SLC12A3: variants seen among roughly 807,000 people sequenced by gnomAD.
SLC12A3 encodes the protein Na-Cl cotransporter.
A neutral mutation model predicts 121.0 loss-of-function variants in SLC12A3; 104 were observed. The ratio of observed to expected loss-of-function variants is 0.86; its 90% CI spans 0.73 to 1.01. The LOEUF is 1.01. Among genes scored for constraint, SLC12A3 ranks in the 50% least tolerant of loss-of-function variants. The probability of loss-of-function intolerance (pLI) is 0.00; values close to 1 mark genes in which losing one functional copy is unlikely to be tolerated. For missense variants in SLC12A3, 1,328 were observed against 1,356.3 expected, an observed-to-expected ratio of 0.98 and a Z score of 0.33; for synonymous variants, 536 against 533.4, an observed-to-expected ratio of 1.00 and a Z score of -0.07.
rs10695057 is a variant in SLC12A3, at chr16:56,911,307, T to TTTTGTTTGTTTG, written c.2925-1933_2925-1922dup. 1.6e-3 allele frequency among the ~76,000 whole-genome samples: 241 copies of TTTTGTTTGTTTG among 148,434 alleles called. 1 individual carries two copies. The highest frequency in any genetic ancestry group is 3.6e-3 in the South Asian group (17 of 4,696). ...CCCACCTTCCCTAATTTTTGAGACC[T>TTTTGTTTGTTTG]TTTGTTTGTTTGTTTGTTTGTTTGT... On this transcript the variant is annotated intron_variant, in intron 25 of 25. Transcript: ENST00000563236.
chr16:56,874,401 T>G (rs1330354930), intron 8 of SLC12A3, among the ~76,000 whole-genome samples: 1 of 152,090 alleles, frequency 6.6e-6, no homozygotes, highest in African/African-American at 2.4e-5. Context: ...GAGGGGGTGA[T>G]GAATGGGGAG....
At chr16:56,891,307 G>GGCT (rs1352379678) in intron 19 of SLC12A3, among the ~76,000 whole-genome samples, 2 of 149,180 alleles carry the variant, frequency 1.3e-5, no homozygotes, top group African/African-American at 5.0e-5. Flanking sequence ...AGGAGTTTGA[G>GGCT]GCTGCAGTGA....
intron 3 of SLC12A3, among the ~76,000 whole-genome samples, chr16:56,869,084 C>T (rs893973388): frequency 2.0e-5 from 3 of 152,196 alleles, no homozygotes; most frequent in Admixed American, 6.5e-5. Context: ...CCTCTCTGAG[C>T]CTTGGATTCC....
At position 56,895,392 on chromosome 16, in the gene SLC12A3, C is replaced by T. The variant is rs148809736; in HGVS notation, c.2633+750C>T. ...TATTTTTAGTAGAGATGGGGTTTCG[C>T]CATGTTGGCTAGGCTGGTCTCGAAC... On this transcript the variant is annotated intron_variant, in intron 22 of 25. Coordinates refer to ENST00000563236, the MANE Select transcript of SLC12A3 (RefSeq NM_001126108.2). Among the ~76,000 whole-genome samples the T allele has an allele frequency of 6.1e-3, 916 of 150,742 alleles. 7 individuals carry two copies. The highest frequency in any genetic ancestry group is 0.021 in the African/African-American group (865 of 41,272).
At chr16:56,869,680 G>T in intron 3 of SLC12A3, 49 bp from the exon 4 acceptor site, 26 of 1,499,592 alleles carry the variant, frequency 1.7e-5, no homozygotes, top group Non-Finnish European at 2.3e-5. Flanking sequence ...GCAAACTGGG[G>T]CTCCTCCCTT....
Position 56,872,704 on chromosome 16 carries a change from G to A in SLC12A3, c.1013G>A (p.Gly338Asp), listed in dbSNP as rs775692158. The change falls in exon 8 of 26, where the codon GGC becomes GAC. Residue 338 changes from glycine to aspartate, a missense_variant. Coordinates refer to ENST00000563236, the MANE Select transcript of SLC12A3 (RefSeq NM_001126108.2). Reference protein sequence around the residue: ...NLVPDWRGPDGTFFGMFSIFF... With the variant: ...NLVPDWRGPDDTFFGMFSIFF... ...GTGCCTGACTGGCGGGGTCCAGATG[G>A]CACCTTCTTCGGAATGTTCTCCATC... The A allele has an allele frequency of 1.9e-6, 3 of 1,614,232 alleles. No individual in the cohort carries two copies. Among genetic ancestry groups the A allele is most frequent in the Non-Finnish European group, 2.5e-6 (3 of 1,180,044 alleles).
chr16:56,908,122 T>A (rs1397496482), intron 25 of SLC12A3, among the ~76,000 whole-genome samples: 4 of 149,202 alleles, frequency 2.7e-5, no homozygotes, highest in African/African-American at 7.4e-5. Context: ...TTTTTTTTTT[T>A]AAAGAATGAT....
chr16:56,906,232 C>T (rs1256109542), intron 25 of SLC12A3, among the ~76,000 whole-genome samples: 1 of 152,216 alleles, frequency 6.6e-6, no homozygotes, highest in Non-Finnish European at 1.5e-5. Context: ...TTGCATGCAT[C>T]CCTTACTGCT....
chr16:56,904,388 C>T lies in SLC12A3; in HGVS notation c.2857-7C>T, dbSNP rs745327566. On this transcript the variant is annotated splice_polypyrimidine_tract_variant and splice_region_variant and intron_variant, in intron 24 of 25. Coordinates refer to ENST00000563236, the MANE Select transcript of SLC12A3 (RefSeq NM_001126108.2). Reference sequence around the variant, plus strand: ...GGGAAGTGACCACTCGGCTTTCTCCCGCCCAGTCCCTTCGGCAGGTGAGGC... The same window carrying T: ...GGGAAGTGACCACTCGGCTTTCTCCTGCCCAGTCCCTTCGGCAGGTGAGGC... 45 of 1,613,634 alleles carry T rather than the reference C, an allele frequency of 2.8e-5. No homozygotes were observed. The East Asian group carries it at 2.9e-4, about 10-fold the overall frequency.
At position 56,885,366 on chromosome 16, in the gene SLC12A3, T is replaced by A. The variant is rs375137925; in HGVS notation, c.1925+2T>A. 3 of 1,539,952 alleles carry A rather than the reference T, an allele frequency of 1.9e-6. No homozygotes were observed. The highest frequency in any genetic ancestry group is 1.8e-6 in the Non-Finnish European group (2 of 1,135,862). On this transcript the variant is annotated splice_donor_variant, in intron 15 of 25. Coordinates refer to ENST00000563236, the MANE Select transcript of SLC12A3 (RefSeq NM_001126108.2). LOFTEE classifies it high-confidence loss of function. ...GGAAGACCACATCAAGAACTACCGG[T>A]GAGCAGAGCTGCTGGGACCCACCTG... is the stretch of plus-strand genomic sequence containing the variant.
At chr16:56,870,844 T>A (rs2055086388) in intron 6 of SLC12A3, 108 bp downstream of exon 6, 1 of 653,236 alleles carries the variant, frequency 1.5e-6, no homozygotes, top group Non-Finnish European at 2.7e-6. Context: ...TCTTTTCTTT[T>A]TTTTTTTTTG....
chr16:56,896,627 C>T (rs533176349), intron 22 of SLC12A3, among the ~76,000 whole-genome samples: 33 of 152,108 alleles, frequency 2.2e-4, no homozygotes, highest in Non-Finnish European at 3.8e-4. Context: ...GTGGCATGTG[C>T]CTGTAGTACT....
At chr16:56,869,936 G>A (rs1385312733) in intron 4 of SLC12A3, 112 bp downstream of exon 4, 20 of 1,366,418 alleles carry the variant, frequency 1.5e-5, no homozygotes, top group South Asian at 4.7e-5. Flanking sequence ...CTGTGGTTCC[G>A]GGAGAGGGCT....
chr16:56,905,226 C>G (rs1411476936), intron 25 of SLC12A3, among the ~76,000 whole-genome samples: 3 of 150,992 alleles, frequency 2.0e-5, no homozygotes, highest in Non-Finnish European at 4.4e-5. Context: ...GTAATCCCAG[C>G]TACTCGGGAG....
At chr16:56,871,258 G>A (rs987578679) in intron 6 of SLC12A3, among the ~76,000 whole-genome samples, 3 of 152,198 alleles carry the variant, frequency 2.0e-5, no homozygotes, top group South Asian at 4.1e-4. Context: ...CGTGGCCTTT[G>A]TCCACCTGGT....
intron 23 of SLC12A3, among the ~76,000 whole-genome samples, chr16:56,899,914 C>T (rs986016916): frequency 1.3e-5 from 2 of 152,208 alleles, no homozygotes; most frequent in Non-Finnish European, 2.9e-5. Flanking sequence ...CCTCCTTCCA[C>T]GCAAGGGCAA....
At chr16:56,890,143 CTG>C in intron 18 of SLC12A3, 129 bp from the exon 19 acceptor site, 1 of 742,374 alleles carries the variant, frequency 1.3e-6, no homozygotes, top group Non-Finnish European at 2.4e-6. Context: ...GATGGGGAAA[CTG>C]AGGCCCAGAG....
At chr16:56,878,633 G>A (rs1247408622) in intron 9 of SLC12A3, among the ~76,000 whole-genome samples, 1 of 152,138 alleles carries the variant, frequency 6.6e-6, no homozygotes, top group African/African-American at 2.4e-5. Context: ...ACTGAATGGT[G>A]GAGCCAGGCT....
chr16:56,879,725 G>T, intron 11 of SLC12A3, 76 bp downstream of exon 11: 1 of 1,075,690 alleles, frequency 9.3e-7, no homozygotes, highest in South Asian at 1.3e-5. Context: ...CGGGTCCCTG[G>T]GTGACTGCTA....
Sources: gnomAD v4.1 joint callset for allele counts (sites outside exome capture counted in the v4.1 genomes callset) on GRCh38, gnomAD v4.1.1 for gene constraint, MANE v1.5 for transcripts, NCBI Gene and HGNC (gene_info 2026-07-23, HGNC 2026-07-21) for gene names.